RALYL: variants seen among roughly 807,000 people sequenced by gnomAD.
RALYL encodes RALY RNA binding protein like, also known as RNA-binding Raly-like protein.
A neutral mutation model predicts 35.1 loss-of-function variants in RALYL; 29 were observed. The ratio of observed to expected loss-of-function variants is 0.83; its 90% CI spans 0.61 to 1.13. RALYL has a LOEUF of 1.13. Ranked by LOEUF, RALYL falls within the 50% of genes most tolerant of loss-of-function variation. RALYL has a pLI of 0.00. For missense variants in RALYL, 359 were observed against 360.4 expected, an observed-to-expected ratio of 1.00 and a Z score of 0.03; for synonymous variants, 120 against 127.6, an observed-to-expected ratio of 0.94 and a Z score of 0.40.
intron 1 of RALYL, among the ~76,000 whole-genome samples, chr8:84,315,506 T>A (rs1843585912): frequency 6.6e-6 from 1 of 152,124 alleles, no homozygotes; most frequent in Non-Finnish European, 1.5e-5. Context: ...ATTGCAGGTC[T>A]AGGGGAGAAT....
intron 2 of RALYL, among the ~76,000 whole-genome samples, chr8:84,656,198 A>G (rs996905814): frequency 6.6e-6 from 1 of 152,170 alleles, no homozygotes; most frequent in African/African-American, 2.4e-5. Flanking sequence ...GATTGAGGGC[A>G]CAGCTCAATT....
At chr8:84,378,227 A>G (rs1286033218) in intron 1 of RALYL, among the ~76,000 whole-genome samples, 1 of 151,920 alleles carries the variant, frequency 6.6e-6, no homozygotes, top group East Asian at 1.9e-4. Flanking sequence ...ATGTGTGCCA[A>G]TAAAGTTATA....
At chr8:84,390,618 G>C (rs1404300768) in intron 1 of RALYL, among the ~76,000 whole-genome samples, 1 of 152,060 alleles carries the variant, frequency 6.6e-6, no homozygotes, top group Non-Finnish European at 1.5e-5. Flanking sequence ...AGATTTTCTA[G>C]TTTATTTGTG....
chr8:84,324,063 G>C (rs956101374), intron 1 of RALYL, among the ~76,000 whole-genome samples: 2 of 152,038 alleles, frequency 1.3e-5, no homozygotes, highest in African/African-American at 4.8e-5. Flanking sequence ...TTTAAAGTAT[G>C]CACGTGTGTG....
intron 1 of RALYL, among the ~76,000 whole-genome samples, chr8:84,188,156 A>G (rs1586019370): frequency 6.6e-6 from 1 of 151,960 alleles, no homozygotes; most frequent in Non-Finnish European, 1.5e-5. Flanking sequence ...GTTTTGTTAC[A>G]TGGCTAAATT....
chr8:84,604,808 G>T (rs1169622680), intron 2 of RALYL, among the ~76,000 whole-genome samples: 5 of 152,096 alleles, frequency 3.3e-5, no homozygotes, highest in Non-Finnish European at 7.4e-5. Context: ...AGAAGACGAA[G>T]AATGCTCTGT....
chr8:84,892,276 G>A (rs1223037093), intron 8 of RALYL, among the ~76,000 whole-genome samples: 1 of 152,130 alleles, frequency 6.6e-6, no homozygotes, highest in Non-Finnish European at 1.5e-5. Flanking sequence ...TTAAGAGTAT[G>A]GCTCCTTGTC....
intron 1 of RALYL, among the ~76,000 whole-genome samples, chr8:84,464,229 G>A (rs1194604197): frequency 6.6e-6 from 1 of 150,632 alleles, no homozygotes; most frequent in African/African-American, 2.4e-5. Context: ...CCATGCTGGT[G>A]CGCTGCATCC....
At chr8:84,667,302 G>A (rs1832281317) in intron 2 of RALYL, among the ~76,000 whole-genome samples, 2 of 152,102 alleles carry the variant, frequency 1.3e-5, no homozygotes, top group East Asian at 1.9e-4. Context: ...CTTCCATCAA[G>A]AGACCCATGC....
chr8:84,462,846 C>A (rs1464819842), intron 1 of RALYL, among the ~76,000 whole-genome samples: 1 of 151,622 alleles, frequency 6.6e-6, no homozygotes, highest in Non-Finnish European at 1.5e-5. Context: ...TCCATAACAT[C>A]CTGAAGTTCA....
At chr8:84,245,884 A>G (rs1384564411) in intron 1 of RALYL, among the ~76,000 whole-genome samples, 3 of 152,170 alleles carry the variant, frequency 2.0e-5, no homozygotes, top group African/African-American at 7.2e-5. Flanking sequence ...TTCAATAATT[A>G]AAGCACAGCC....
intron 1 of RALYL, among the ~76,000 whole-genome samples, chr8:84,198,857 A>G (rs1816115062): frequency 6.6e-6 from 1 of 152,176 alleles, no homozygotes; most frequent in Admixed American, 6.5e-5. Flanking sequence ...ATAGTACTCC[A>G]TTGTGAAGTA....
At chr8:84,854,677 G>A (rs1350224650) in intron 5 of RALYL, among the ~76,000 whole-genome samples, 11 of 152,148 alleles carry the variant, frequency 7.2e-5, no homozygotes, top group Non-Finnish European at 4.4e-5. Context: ...ATAGAAACTC[G>A]TTAAGTCGGT....
Position 84,441,708 on chromosome 8 carries a change from C to T in RALYL, c.-23-87591C>T, listed in dbSNP as rs545026188. On this transcript the variant is annotated intron_variant, in intron 1 of 8. Transcript: ENST00000521268. ...TCCTTAGACCTATGTCAAATCAGAT[C>T]GGCAAATTTTGTTCACATTATGATT... Among the ~76,000 whole-genome samples, 412 of 152,138 alleles carry T rather than the reference C, an allele frequency of 2.7e-3. 2 individuals are homozygous for T. The highest frequency in any genetic ancestry group is 9.5e-3 in the African/African-American group (395 of 41,548).
In RALYL at chr8:84,503,847, G is replaced by A. The variant is rs568364921; in HGVS notation, c.-23-25452G>A. Among the ~76,000 whole-genome samples the A allele has an allele frequency of 5.4e-5, 8 of 147,374 alleles. No individual in the cohort carries two copies. In the East Asian group the frequency reaches 1.7e-3, roughly 31 times the overall value. On this transcript the variant is annotated intron_variant, in intron 1 of 8. Transcript: ENST00000521268. ...GCACTGCACTCAAGCCTAGGCAACA[G>A]AGCAAGACTCTGTCTCAAAGAAAAA...
At chr8:84,822,801 A>G (rs1195145834) in intron 4 of RALYL, among the ~76,000 whole-genome samples, 1 of 152,206 alleles carries the variant, frequency 6.6e-6, no homozygotes, top group Non-Finnish European at 1.5e-5. Flanking sequence ...CCGCCAAACT[A>G]CAAATCAGGG....
intron 1 of RALYL, among the ~76,000 whole-genome samples, chr8:84,403,323 G>T (rs1237771970): frequency 6.6e-6 from 1 of 151,920 alleles, no homozygotes; most frequent in Admixed American, 6.6e-5. Flanking sequence ...TCCATCTCAA[G>T]TTAATTTTTG....
At chr8:84,382,991 A>G (rs2131627062) in intron 1 of RALYL, among the ~76,000 whole-genome samples, 1 of 151,872 alleles carries the variant, frequency 6.6e-6, no homozygotes, top group South Asian at 2.1e-4. Flanking sequence ...GGTAGGCAAC[A>G]GGTTAATCTT....
chr8:84,491,021 T>G (rs1427905693), intron 1 of RALYL, among the ~76,000 whole-genome samples: 1 of 151,992 alleles, frequency 6.6e-6, no homozygotes, highest in Admixed American at 6.6e-5. Context: ...GAAGCATTTA[T>G]GATCAAAACG....
Sources: gnomAD v4.1 joint callset for allele counts (sites outside exome capture counted in the v4.1 genomes callset) on GRCh38, gnomAD v4.1.1 for gene constraint, MANE v1.5 for transcripts, NCBI Gene and HGNC (gene_info 2026-07-23, HGNC 2026-07-21) for gene names.